Variants in IKZF1 observed in about 807,000 individuals in gnomAD.
IKZF1 encodes the protein DNA-binding protein Ikaros.
IKZF1 carries 10 observed loss-of-function variants against 51.7 expected under a neutral mutation model. The observed-to-expected ratio is 0.19, with a 90% CI of 0.12 to 0.33. The LOEUF (loss-of-function observed/expected upper bound fraction) is 0.33, where lower values mean the gene tolerates loss of function less well. Ranked by LOEUF, IKZF1 falls within the 10% of genes least tolerant of loss-of-function variation. The pLI, the probability that IKZF1 is intolerant of heterozygous loss-of-function variation, is 1.00. For missense variants in IKZF1, 484 were observed against 707.5 expected (o/e 0.68, Z 3.58); for synonymous variants, 280 against 282.3 (o/e 0.99, Z 0.08).
chr7:50,349,229 T>C (rs1801193631), intron 3 of IKZF1, among the ~76,000 whole-genome samples: 1 of 152,182 alleles, frequency 6.6e-6, no homozygotes. Flanking sequence ...ATGTTGGTGT[T>C]GTGTTCTAAA....
Position 50,376,611 on chromosome 7 carries a change from A to C in IKZF1, c.239A>C (p.Glu80Ala). The C allele has an allele frequency of 6.2e-7, 1 of 1,613,924 alleles. No individual in the cohort carries two copies. Among genetic ancestry groups the C allele is most frequent in the Non-Finnish European group, 8.5e-7 (1 of 1,179,876 alleles). ...ACEMNGEECA[E>A]DLRMLDASGE... ...GAAATGAATGGGGAAGAATGTGCGG[A>C]GGATTTACGAATGCTTGATGCCTCG... The change falls in exon 4 of 8, where the codon GAG (glutamate) becomes GCG (alanine). Residue 80 changes from glutamate to alanine, a missense_variant. By Grantham distance (107) the Glu-to-Ala change is moderately radical. Around this residue, in one of 6 missense-constraint regions of IKZF1, gnomAD observed 118 missense variants for 138.4 expected, o/e 0.85. Coordinates refer to ENST00000331340, the MANE Select transcript of IKZF1 (RefSeq NM_006060.6). This position sits in a 1 kb window ranked among gnomAD's most constrained non-coding sequence, Gnocchi z 4.5.
Position 50,382,550 on chromosome 7 carries a change from C to G in IKZF1, c.432C>G (p.Pro144=). 3 of 1,612,946 alleles carry G rather than the reference C, an allele frequency of 1.9e-6. No individual in the cohort carries two copies. Among genetic ancestry groups the G allele is most frequent in the Non-Finnish European group, 2.5e-6 (3 of 1,179,180 alleles). ...CTCTCTCCGTCCCAGGAGAACGGCC[C>G]TTCCAGTGCAATCAGTGCGGGGCCT... The part of the protein sequence containing the change: ...VHKRSHTGER[P]FQCNQCGASF... Residue 144 remains proline, a synonymous_variant, in exon 5 of 8, where the codon CCC becomes CCG. Coordinates refer to ENST00000331340, the MANE Select transcript of IKZF1 (RefSeq NM_006060.6).
At chr7:50,327,303 C>T (rs1584504033) in intron 2 of IKZF1, 1 of 174,554 alleles carries the variant, frequency 5.7e-6, no homozygotes, top group Non-Finnish European at 1.2e-5. Flanking sequence ...GAAATATGTA[C>T]ATGAGAATGT....
chr7:50,318,804 T>TA (rs773057303), intron 1 of IKZF1, among the ~76,000 whole-genome samples: 34 of 152,194 alleles, frequency 2.2e-4, no homozygotes, highest in Non-Finnish European at 4.6e-4. Flanking sequence ...AAATTAACAA[T>TA]AAATAACAAA....
intron 3 of IKZF1, among the ~76,000 whole-genome samples, chr7:50,358,759 C>T (rs537203326): frequency 6.6e-6 from 1 of 151,446 alleles, no homozygotes; most frequent in South Asian, 2.1e-4. Flanking sequence ...GTGAGACGAC[C>T]ATGGAGAGGT....
intron 3 of IKZF1, among the ~76,000 whole-genome samples, chr7:50,348,078 C>T (rs993312320): frequency 5.3e-5 from 8 of 152,110 alleles, no homozygotes; most frequent in African/African-American, 1.9e-4. Flanking sequence ...CCCTTTATTT[C>T]AAAAGAATAA....
intron 3 of IKZF1, chr7:50,368,380 T>C (rs1807632462): frequency 1.5e-6 from 1 of 676,502 alleles, no homozygotes; most frequent in Non-Finnish European, 2.7e-6. Flanking sequence ...ATCCTTTTTA[T>C]TGAGTGTGAG....
intron 6 of IKZF1, chr7:50,388,420 A>T (rs1167695484): frequency 1.3e-5 from 2 of 152,232 alleles, no homozygotes; most frequent in African/African-American, 4.8e-5. Flanking sequence ...GCAGGAAAAA[A>T]GAATGTTGAG....
At chr7:50,338,743 C>G (rs1346397405) in intron 3 of IKZF1, among the ~76,000 whole-genome samples, 1 of 152,212 alleles carries the variant, frequency 6.6e-6, no homozygotes, top group Non-Finnish European at 1.5e-5. Flanking sequence ...GTGGGCCATG[C>G]CAGGAAGCTG....
chr7:50,352,290 C>A (rs1802060524), intron 3 of IKZF1, among the ~76,000 whole-genome samples: 1 of 152,204 alleles, frequency 6.6e-6, no homozygotes, highest in African/African-American at 2.4e-5. Flanking sequence ...ATAGTATTAT[C>A]TGTCTCTTCC....
intron 5 of IKZF1, among the ~76,000 whole-genome samples, chr7:50,383,625 G>A (rs1357003465): frequency 6.6e-6 from 1 of 152,186 alleles, no homozygotes; most frequent in African/African-American, 2.4e-5. Flanking sequence ...TGAGACTTCG[G>A]AGGCGAAAGG....
intron 1 of IKZF1, among the ~76,000 whole-genome samples, chr7:50,307,952 G>A (rs1789209110): frequency 6.6e-6 from 1 of 152,176 alleles, no homozygotes; most frequent in South Asian, 2.1e-4. Flanking sequence ...GTGTCTTCAT[G>A]TGGACCATGG....
intron 3 of IKZF1, among the ~76,000 whole-genome samples, chr7:50,333,038 T>G (rs1796760219): frequency 6.6e-6 from 1 of 151,594 alleles, no homozygotes; most frequent in Admixed American, 6.6e-5. Context: ...CTTAGGTCCT[T>G]CATGTTGAAT....
At chr7:50,358,317 A>G (rs1804124471) in intron 3 of IKZF1, among the ~76,000 whole-genome samples, 1 of 152,238 alleles carries the variant, frequency 6.6e-6, no homozygotes, top group Non-Finnish European at 1.5e-5. Flanking sequence ...AAAACATGAC[A>G]TTTGAAGTTT....
At position 50,403,412 on chromosome 7, in the gene IKZF1, T is replaced by G. The variant is rs984042820; in HGVS notation, c.*2785T>G. 18 of 222,748 alleles carry G rather than the reference T, an allele frequency of 8.1e-5. No homozygotes were observed. Among genetic ancestry groups the G allele is most frequent in the African/African-American group, 3.4e-4 (15 of 44,714 alleles). 13.8% of individuals were successfully genotyped at this position (222,748 alleles called of 1,614,324 possible). On this transcript the variant is annotated 3_prime_UTR_variant, in exon 8 of 8. Coordinates refer to ENST00000331340, the MANE Select transcript of IKZF1 (RefSeq NM_006060.6). ...GCTGTGTACTACTGTGTGCCTAGAT[T>G]CCATGCACTCTCGTTGTGTTTGAAG...
intron 3 of IKZF1, among the ~76,000 whole-genome samples, chr7:50,342,926 C>T (rs915016481): frequency 1.6e-4 from 25 of 152,318 alleles, no homozygotes; most frequent in Admixed American, 6.5e-4. Flanking sequence ...GGCACAGATT[C>T]GTCATGGAAG....
intron 7 of IKZF1, among the ~76,000 whole-genome samples, chr7:50,398,453 G>C (rs896314700): frequency 6.6e-6 from 1 of 152,040 alleles, no homozygotes; most frequent in Non-Finnish European, 1.5e-5. Flanking sequence ...TTTCCTTCTT[G>C]TTGTCCCCAA....
At chr7:50,382,076 C>A (rs117778451) in intron 4 of IKZF1, among the ~76,000 whole-genome samples, 2 of 152,234 alleles carry the variant, frequency 1.3e-5, no homozygotes, top group African/African-American at 4.8e-5. Context: ...AAGAATGTAA[C>A]GCTGAAATGA....
At chr7:50,327,477 C>CT (rs1235356263) in intron 2 of IKZF1, 161 bp from the exon 3 acceptor site, 2 of 766,088 alleles carry the variant, frequency 2.6e-6, no homozygotes, top group East Asian at 2.9e-5. Flanking sequence ...GGAGAAGTGA[C>CT]TTTTTTTATA....
Sources: gnomAD v4.1 joint callset for allele counts (sites outside exome capture counted in the v4.1 genomes callset) on GRCh38, gnomAD v4.1.1 for gene constraint, gnomAD v4.1.1 regional missense constraint, Gnocchi (gnomAD v3.1) non-coding constraint, MANE v1.5 for transcripts, NCBI Gene and HGNC (gene_info 2026-07-23, HGNC 2026-07-21) for gene names.